The following MOB4 variants were observed in gnomAD, a reference collection of about 807,000 sequenced individuals.
MOB4 encodes MOB-like protein phocein.
In MOB4, 4 loss-of-function variants were observed where a neutral mutation model predicts 32.2. The observed-to-expected ratio is 0.12, with a 90% CI of 0.06 to 0.28. The LOEUF is 0.28. Among genes scored for constraint, MOB4 ranks in the 10% least tolerant of loss-of-function variants. MOB4 has a pLI of 1.00. For synonymous variants in MOB4, 88 were observed against 88.1 expected (o/e 1.00, Z 0.01); for missense variants, 158 against 271.2 (o/e 0.58, Z 2.93).
chr2:197,540,231 A>G, intron 4 of MOB4, 78 bp downstream of exon 4: 1 of 1,535,148 alleles, frequency 6.5e-7, no homozygotes, highest in Non-Finnish European at 8.8e-7. Context: ...TAATGTGCTT[A>G]CAAAAACGTA....
chr2:197,550,438 A>G, intron 7 of MOB4, 52 bp downstream of exon 7: 1 of 1,594,214 alleles, frequency 6.3e-7, no homozygotes, highest in Non-Finnish European at 8.5e-7. Flanking sequence ...TGTAACAGTA[A>G]TATATATTGA....
At chr2:197,533,848 TG>T in intron 2 of MOB4, 1 of 642,884 alleles carries the variant, frequency 1.6e-6, no homozygotes. Context: ...AAGTGATTCC[TG>T]GCCAAGAAAC....
At position 197,523,631 on chromosome 2, in the gene MOB4, A is replaced by G. The variant is rs375428652; in HGVS notation, c.68A>G (p.Tyr23Cys). 31 of 1,609,086 alleles carry G rather than the reference A, an allele frequency of 1.9e-5. No homozygotes were observed. Among genetic ancestry groups the G allele is most frequent in the Admixed American group, 6.8e-5 (4 of 58,444 alleles). ...GTGAATTTATTTTTATAGGATTTCT[A>G]TAATTGGCCTGATGAATCCTTTGAT... ...NRPGTKAQDF[Y>C]NWPDESFDEM... The change falls in exon 2 of 8, where the codon TAT becomes TGT. Residue 23 changes from tyrosine (Y) to cysteine (C), a missense_variant. Physicochemically the swap from Tyr to Cys is radical, Grantham distance 194 (BLOSUM62 -2). Around this residue, in one of 6 missense-constraint regions of MOB4, gnomAD observed 25 missense variants for 70.9 expected, o/e 0.35. Coordinates refer to ENST00000323303, the MANE Select transcript of MOB4 (RefSeq NM_015387.5).
Position 197,516,084 on chromosome 2 carries a change from A to G in MOB4, c.-3A>G, listed in dbSNP as rs779049311. On this transcript the variant is annotated 5_prime_UTR_variant, in exon 1 of 8. Transcript: ENST00000323303. The stretch of plus-strand genomic sequence containing the variant: ...CGACTCCAGCCGCCTAGACGCTGGC[A>G]CTATGGTCATGGCGGAGGGGACGGC... 3.1e-6 allele frequency: 5 copies of G among 1,594,620 alleles called. No individual in the cohort carries two copies. Among genetic ancestry groups the G allele is most frequent in the Non-Finnish European group, 3.4e-6 (4 of 1,171,980 alleles).
At chr2:197,549,875 AAAAAG>A (rs1204134365) in intron 6 of MOB4, among the ~76,000 whole-genome samples, 95 of 151,528 alleles carry the variant, frequency 6.3e-4, no homozygotes, top group Middle Eastern at 3.4e-3. Context: ...AAAAAAAAAA[AAAAAG>A]AAAAGAAAAG....
intron 1 of MOB4, among the ~76,000 whole-genome samples, chr2:197,519,444 A>G (rs1413891071): frequency 1.3e-5 from 2 of 152,234 alleles, no homozygotes; most frequent in Non-Finnish European, 2.9e-5. Context: ...GTAAAATGGC[A>G]TAGTGTTTGC....
intron 1 of MOB4, chr2:197,516,805 T>G (rs878995727): frequency 8.7e-6 from 4 of 458,068 alleles, no homozygotes; most frequent in South Asian, 3.1e-5. Flanking sequence ...ATGAACTGAT[T>G]ATAATTTTGT....
intron 3 of MOB4, among the ~76,000 whole-genome samples, chr2:197,537,574 T>C (rs181593231): frequency 6.6e-6 from 1 of 152,252 alleles, no homozygotes; most frequent in South Asian, 2.1e-4. Flanking sequence ...AATTTCAGGA[T>C]GCTAAGACTT....
chr2:197,542,394 A>G (rs548095940), intron 5 of MOB4, among the ~76,000 whole-genome samples: 1 of 152,348 alleles, frequency 6.6e-6, no homozygotes, highest in South Asian at 2.1e-4. Context: ...GAACAATTTG[A>G]AAGGACACTT....
intron 5 of MOB4, among the ~76,000 whole-genome samples, chr2:197,540,975 C>T (rs1419696623): frequency 6.6e-6 from 1 of 150,476 alleles, no homozygotes; most frequent in Non-Finnish European, 1.5e-5. Flanking sequence ...GATCTCGGTT[C>T]GCTGCAACCT....
chr2:197,531,936 T>G (rs1035125539), intron 2 of MOB4, among the ~76,000 whole-genome samples: 1 of 152,014 alleles, frequency 6.6e-6, no homozygotes, highest in African/African-American at 2.4e-5. Context: ...TTTTTTGAGA[T>G]AGAGTCTCAC....
At chr2:197,519,457 A>G (rs1443364152) in intron 1 of MOB4, among the ~76,000 whole-genome samples, 3 of 152,216 alleles carry the variant, frequency 2.0e-5, no homozygotes, top group Non-Finnish European at 1.5e-5. Flanking sequence ...GTGTTTGCAT[A>G]TAACCTATGC....
intron 2 of MOB4, chr2:197,533,722 CAAAA>C (rs796816631): frequency 0.017 from 2,478 of 141,942 alleles, 66 homozygotes; most frequent in African/African-American, 0.12. Context: ...CAAAACTCCT[CAAAA>C]AAAAAAAAAA....
chr2:197,547,625 C>G (rs1457202017), intron 5 of MOB4, among the ~76,000 whole-genome samples: 1 of 152,094 alleles, frequency 6.6e-6, no homozygotes, highest in Non-Finnish European at 1.5e-5. Flanking sequence ...GAAAAATAAC[C>G]TAATTACTGG....
intron 2 of MOB4, among the ~76,000 whole-genome samples, chr2:197,533,092 C>CT (rs1316521262): frequency 2.0e-5 from 3 of 151,696 alleles, no homozygotes; most frequent in African/African-American, 4.8e-5. Flanking sequence ...GAGTGAGACT[C>CT]TATCTCAAAA....
chr2:197,517,894 C>T (rs1377191097), intron 1 of MOB4, among the ~76,000 whole-genome samples: 2 of 152,112 alleles, frequency 1.3e-5, no homozygotes, highest in Non-Finnish European at 2.9e-5. Context: ...AATCCCAGCA[C>T]TTTGGGAGGT....
intron 2 of MOB4, among the ~76,000 whole-genome samples, chr2:197,532,667 CAG>C (rs2086726686): frequency 6.6e-6 from 1 of 151,840 alleles, no homozygotes; most frequent in Non-Finnish European, 1.5e-5. Flanking sequence ...GCCTGGGCGA[CAG>C]AACGAAACTC....
chr2:197,539,793 A>T (rs942112365), intron 3 of MOB4, among the ~76,000 whole-genome samples: 4 of 152,254 alleles, frequency 2.6e-5, no homozygotes, highest in Non-Finnish European at 4.4e-5. Flanking sequence ...AGAATGACTT[A>T]GTCGAAAAGT....
At chr2:197,519,498 A>G (rs994838424) in intron 1 of MOB4, among the ~76,000 whole-genome samples, 2 of 152,198 alleles carry the variant, frequency 1.3e-5, no homozygotes, top group Non-Finnish European at 2.9e-5. Context: ...AATCAACTCT[A>G]GATTACTTAA....
Sources: allele counts gnomAD v4.1 joint callset (sites outside exome capture counted in the v4.1 genomes callset), GRCh38; gene constraint gnomAD v4.1.1; regional missense constraint gnomAD v4.1.1; transcripts MANE v1.5; gene names NCBI Gene and HGNC (gene_info 2026-07-23, HGNC 2026-07-21).